Variants in CLASP2 observed in about 807,000 individuals in gnomAD.
The protein encoded by CLASP2 is CLIP-associating protein 2.
Under a neutral mutation model 194.4 loss-of-function variants are expected in CLASP2, and 47 were observed. The ratio of observed to expected loss-of-function variants is 0.24; its 90% confidence interval spans 0.19 to 0.31. The LOEUF is 0.31. Among genes scored for constraint, CLASP2 ranks in the 10% least tolerant of loss-of-function variants. The pLI is 1.00. For synonymous variants in CLASP2, 619 were observed against 633.5 expected, an observed-to-expected ratio of 0.98 and a Z score of 0.34; for missense variants, 1,445 against 1,823.6, an observed-to-expected ratio of 0.79 and a Z score of 3.78.
chr3:33,509,392 T>C lies in CLASP2; in HGVS notation c.4317+1166A>G, dbSNP rs560098796. ...CAACACACCTGGCTAATTTTGTATA[T>C]TTAGTAGAGACAGAGTCTCTCCATG... On this transcript the variant is annotated intron_variant, in intron 37 of 38. Coordinates refer to ENST00000682230, the MANE Select transcript of CLASP2 (RefSeq NM_001365631.1). Among the ~76,000 whole-genome samples the C allele has an allele frequency of 2.4e-3, 373 of 152,324 alleles. 1 individual carries two copies. The highest frequency in any genetic ancestry group is 5.4e-3 in the Admixed American group (83 of 15,298).
At chr3:33,610,043 C>T (rs1231066454) in intron 13 of CLASP2, among the ~76,000 whole-genome samples, 2 of 152,168 alleles carry the variant, frequency 1.3e-5, no homozygotes, top group African/African-American at 2.4e-5. Flanking sequence ...ACATGAAATA[C>T]GTTTTGAACT....
At chr3:33,581,726 C>T (rs2066185176) in intron 23 of CLASP2, 95 bp downstream of exon 23, 9 of 788,762 alleles carry the variant, frequency 1.1e-5, no homozygotes, top group South Asian at 5.2e-5. Flanking sequence ...AAAGATCTGT[C>T]GACAAAGAAA....
At chr3:33,549,206 T>G (rs2059620173) in intron 30 of CLASP2, among the ~76,000 whole-genome samples, 1 of 152,242 alleles carries the variant, frequency 6.6e-6, no homozygotes, top group African/African-American at 2.4e-5. Context: ...TCACTGGTTT[T>G]CCCAGTCTCT....
intron 30 of CLASP2, among the ~76,000 whole-genome samples, chr3:33,549,969 TCAGA>T (rs1456258861): frequency 1.3e-5 from 2 of 152,130 alleles, no homozygotes; most frequent in South Asian, 2.1e-4. Flanking sequence ...GCTCCTGAGC[TCAGA>T]CAATCTGCCT....
rs1310863029 is a variant in CLASP2 at position 33,540,118 on chromosome 3, T to TG, written c.3405-1177dup. On this transcript the variant is annotated intron_variant, in intron 32 of 38. Coordinates refer to ENST00000682230, the MANE Select transcript of CLASP2 (RefSeq NM_001365631.1). ...TAATTTTTTGTATTTTTAGTAGAGATGGGGTTTCACCATGTTGACTAGGCT... is the reference window on the plus strand; with the variant it reads ...TAATTTTTTGTATTTTTAGTAGAGATGGGGGTTTCACCATGTTGACTAGGCT... Among the ~76,000 whole-genome samples the TG allele has an allele frequency of 2.6e-5, 4 of 151,826 alleles. No individual in the cohort carries two copies. The South Asian group carries it at 8.3e-4, about 32-fold the overall frequency.
At chr3:33,645,488 G>A in intron 7 of CLASP2, 1 of 583,054 alleles carries the variant, frequency 1.7e-6, no homozygotes, top group Non-Finnish European at 3.0e-6. Flanking sequence ...TGCCCTAGGT[G>A]CTGTAACAGC....
chr3:33,632,240 T>C (rs1217047499), intron 9 of CLASP2, 52 bp downstream of exon 9: 16 of 1,118,590 alleles, frequency 1.4e-5, no homozygotes, highest in East Asian at 2.7e-5. Flanking sequence ...CAAATAATTA[T>C]ATGAACAGGC....
At chr3:33,568,956 T>C (rs1201757033) in intron 26 of CLASP2, among the ~76,000 whole-genome samples, 1 of 152,218 alleles carries the variant, frequency 6.6e-6, no homozygotes, top group Non-Finnish European at 1.5e-5. Flanking sequence ...GTATCCTTAA[T>C]GAATTACATT....
chr3:33,531,908 T>C (rs2056402546), intron 34 of CLASP2, among the ~76,000 whole-genome samples: 1 of 152,200 alleles, frequency 6.6e-6, no homozygotes, highest in Non-Finnish European at 1.5e-5. Context: ...ACTGAAACCC[T>C]TCTGCACTGG....
At chr3:33,534,525 C>T (rs2056966140) in intron 34 of CLASP2, among the ~76,000 whole-genome samples, 3 of 152,298 alleles carry the variant, frequency 2.0e-5, no homozygotes, top group South Asian at 2.1e-4. Flanking sequence ...TATGTTTGAG[C>T]GACTACATTC....
At chr3:33,644,720 G>A in intron 8 of CLASP2, 37 bp downstream of exon 8, 5 of 1,607,662 alleles carry the variant, frequency 3.1e-6, no homozygotes, top group South Asian at 2.2e-5. Flanking sequence ...CAAGGGCATG[G>A]AGCATGCATA....
chr3:33,669,217 A>G (rs1426128639), intron 6 of CLASP2, among the ~76,000 whole-genome samples: 3 of 152,236 alleles, frequency 2.0e-5, no homozygotes, highest in Non-Finnish European at 1.5e-5. Flanking sequence ...GAGTATCCAC[A>G]CGAAAAAAAT....
chr3:33,705,055 A>AG (rs1448794032), intron 1 of CLASP2, among the ~76,000 whole-genome samples: 1 of 152,146 alleles, frequency 6.6e-6, no homozygotes, highest in African/African-American at 2.4e-5. Context: ...ATATACCCAA[A>AG]GGAAGTGACT....
At chr3:33,634,683 T>C in intron 8 of CLASP2, among the ~76,000 whole-genome samples, 1 of 152,192 alleles carries the variant, frequency 6.6e-6, no homozygotes, top group Non-Finnish European at 1.5e-5. Context: ...TTTTAAGTAT[T>C]CTCACCACTA....
intron 10 of CLASP2, among the ~76,000 whole-genome samples, chr3:33,625,794 C>T (rs2077943752): frequency 6.6e-6 from 1 of 151,804 alleles, no homozygotes; most frequent in African/African-American, 2.4e-5. Context: ...ATCTTAGCCT[C>T]AACAAAAGTT....
intron 6 of CLASP2, among the ~76,000 whole-genome samples, chr3:33,675,856 C>T (rs1490337634): frequency 6.8e-6 from 1 of 147,474 alleles, no homozygotes; most frequent in African/African-American, 2.5e-5. Context: ...GAATAAAATA[C>T]CTAGGAATCC....
chr3:33,631,847 A>T (rs975822622), intron 9 of CLASP2, among the ~76,000 whole-genome samples: 2 of 104,644 alleles, frequency 1.9e-5, no homozygotes, highest in Admixed American at 2.2e-4. Context: ...CATCACGAAA[A>T]AATATAAAAA....
chr3:33,566,813 A>G, intron 26 of CLASP2, 79 bp from the exon 27 acceptor site: 1 of 419,036 alleles, frequency 2.4e-6, no homozygotes, highest in Non-Finnish European at 4.7e-6. Flanking sequence ...ATTAGTCGCC[A>G]TCAATGCAAA....
intron 30 of CLASP2, among the ~76,000 whole-genome samples, chr3:33,549,742 CTTT>C (rs139359537): frequency 2.1e-5 from 3 of 142,262 alleles, no homozygotes; most frequent in Non-Finnish European, 1.5e-5. Flanking sequence ...TACTTTTTTT[CTTT>C]TTTTTTTTTT....
Sources: allele counts gnomAD v4.1 joint callset (sites outside exome capture counted in the v4.1 genomes callset), GRCh38; gene constraint gnomAD v4.1.1; transcripts MANE v1.5; gene names NCBI Gene and HGNC (gene_info 2026-07-23, HGNC 2026-07-21).